PVR: variants seen among roughly 807,000 people sequenced by gnomAD.
The protein encoded by PVR is PVR cell adhesion molecule.
A neutral mutation model predicts 43.3 loss-of-function variants in PVR; 39 were observed. The observed-to-expected ratio is 0.90, with a 90% CI of 0.70 to 1.18. The LOEUF (loss-of-function observed/expected upper bound fraction) is 1.18. PVR is among the 50% of genes most tolerant of loss of function. PVR has a pLI of 0.00. For synonymous variants in PVR, 224 were observed against 233.2 expected, an observed-to-expected ratio of 0.96 and a Z score of 0.36; for missense variants, 480 against 549.7, an observed-to-expected ratio of 0.87 and a Z score of 1.27.
At chr19:44,658,016 C>T (rs1216258490) in intron 5 of PVR, 106 bp downstream of exon 5, 1 of 1,253,274 alleles carries the variant, frequency 8.0e-7, no homozygotes, top group African/African-American at 1.5e-5. Flanking sequence ...AGCCTTCTCA[C>T]AAAAGGACCA....
At chr19:44,645,480 G>GAGAC in intron 1 of PVR, among the ~76,000 whole-genome samples, 1 of 141,406 alleles carries the variant, frequency 7.1e-6, no homozygotes, top group Non-Finnish European at 1.5e-5. Context: ...GTGTGTATGA[G>GAGAC]AGAGACAAGG....
rs1226881953 is a variant in PVR at position 44,665,583 on chromosome 19, A to G, written c.*3772A>G. 2.1e-5 allele frequency: 3 copies of G among 143,418 alleles called. No homozygotes were observed. Among genetic ancestry groups the G allele is most frequent in the South Asian group, 2.3e-4 (1 of 4,352 alleles). The allele number at this position is 143,418 out of a possible 1,614,324, so 8.9% of individuals were successfully genotyped here. A position where few individuals can be genotyped will look rare whatever the true frequency, so the allele number is the denominator to read the frequency against. ...CGGGAAGTGGAGGCTGGAGTAAACC[A>G]TGATCGAGTTACTGCACTCCAGCCT... On this transcript the variant is annotated 3_prime_UTR_variant, in exon 8 of 8. Transcript: ENST00000425690.
chr19:44,653,117 C>T (rs1171597406), intron 3 of PVR, among the ~76,000 whole-genome samples: 1 of 152,038 alleles, frequency 6.6e-6, no homozygotes, highest in Non-Finnish European at 1.5e-5. Flanking sequence ...CGTCAGCTCC[C>T]GGGGACACAC....
At chr19:44,661,414 C>A in intron 7 of PVR, 91 bp downstream of exon 7, 1 of 1,390,266 alleles carries the variant, frequency 7.2e-7, no homozygotes, top group Non-Finnish European at 1.0e-6. Context: ...GCCTCAGGAG[C>A]CTGGGTCTTT....
chr19:44,660,384 C>T (rs1304971565), intron 6 of PVR, among the ~76,000 whole-genome samples: 1 of 152,186 alleles, frequency 6.6e-6, no homozygotes, highest in African/African-American at 2.4e-5. Context: ...CCTAATAATA[C>T]AGTAGAGCAC....
At chr19:44,657,685 GCA>G in intron 4 of PVR, 75 bp from the exon 5 acceptor site, 1 of 1,493,948 alleles carries the variant, frequency 6.7e-7, no homozygotes. Flanking sequence ...GGGTTTCTGG[GCA>G]CGTAGTGCGT....
intron 6 of PVR, among the ~76,000 whole-genome samples, chr19:44,660,735 G>A (rs1191037803): frequency 6.6e-6 from 1 of 151,836 alleles, no homozygotes; most frequent in Admixed American, 6.6e-5. Flanking sequence ...TGTTGCCCAA[G>A]CTGGTCTCAA....
intron 5 of PVR, among the ~76,000 whole-genome samples, chr19:44,658,345 C>T (rs927712963): frequency 2.6e-5 from 4 of 152,176 alleles, no homozygotes; most frequent in Non-Finnish European, 4.4e-5. Flanking sequence ...CTCTGCTTTT[C>T]GTTATACTGG....
intron 2 of PVR, 34 bp from the exon 3 acceptor site, chr19:44,649,775 T>C (rs1973226718): frequency 3.1e-6 from 5 of 1,607,642 alleles, no homozygotes; most frequent in Non-Finnish European, 4.3e-6. Flanking sequence ...GAGGGGTTCA[T>C]TGAATGACTT....
At position 44,661,769 on chromosome 19, in the gene PVR, G is replaced by A. The variant is rs201504280; in HGVS notation, c.1212G>A (p.Glu404=). 3.0e-5 allele frequency: 49 copies of A among 1,614,038 alleles called. No homozygotes were observed. Among genetic ancestry groups the A allele is most frequent in the Middle Eastern group, 1.6e-4 (1 of 6,062 alleles). ...GHVSYSAVSR[E]NSSSQDPQTE... is the part of the protein sequence containing the mutation. ...TCTCCTATTCAGCTGTGAGCAGAGA[G>A]AACAGCTCTTCCCAGGATCCACAGA... The change falls in exon 8 of 8, where the codon GAG becomes GAA. Residue 404 remains glutamate, a synonymous_variant. Transcript: ENST00000425690.
intron 6 of PVR, 52 bp from the exon 7 acceptor site, chr19:44,661,240 C>T: frequency 1.3e-6 from 2 of 1,556,230 alleles, no homozygotes; most frequent in Non-Finnish European, 1.8e-6. Context: ...GTCTTCTTCC[C>T]ATGCTTCCCA....
chr19:44,647,085 C>CCCCCCCACCCCCCCGT, intron 1 of PVR, 138 bp from the exon 2 acceptor site: 1 of 395,086 alleles, frequency 2.5e-6, no homozygotes, highest in South Asian at 5.7e-5. Flanking sequence ...GTTCCCCCTC[C>CCCCCCCACCCCCCCGT]CCCCACACCC....
chr19:44,647,119 C>A, intron 1 of PVR, 104 bp from the exon 2 acceptor site: 1 of 552,826 alleles, frequency 1.8e-6, no homozygotes, highest in Non-Finnish European at 2.9e-6. Context: ...GGATCCAGGG[C>A]CCCAGCGTGC....
At chr19:44,644,423 G>A (rs1043895212) in intron 1 of PVR, among the ~76,000 whole-genome samples, 1 of 152,168 alleles carries the variant, frequency 6.6e-6, no homozygotes, top group Non-Finnish European at 1.5e-5. Flanking sequence ...CACGGGTCGG[G>A]CACAAGACCC....
At position 44,650,274 on chromosome 19, in the gene PVR, C is replaced by T. The variant is rs114996537; in HGVS notation, c.724+169C>T. 7.8e-3 allele frequency among the ~76,000 whole-genome samples: 1,189 copies of T among 152,242 alleles called. 18 individuals carry two copies. The highest frequency in any genetic ancestry group is 0.027 in the African/African-American group (1,121 of 41,524). The stretch of plus-strand genomic sequence containing the variant: ...ATTGTCTGCACCAGCTCCCCTGGGC[C>T]GTAAACAACACTGTCCCTATTGTCT... On this transcript the variant is annotated intron_variant, in intron 3 of 7. Coordinates refer to ENST00000425690, the MANE Select transcript of PVR (RefSeq NM_006505.5).
At chr19:44,659,229 G>C (rs1219543027) in intron 6 of PVR, 1 of 232,470 alleles carries the variant, frequency 4.3e-6, no homozygotes, top group Non-Finnish European at 8.3e-6. Context: ...CCTTGTTCAG[G>C]AGTGACTCCT....
chr19:44,661,536 T>C (rs942508461), intron 7 of PVR, among the ~76,000 whole-genome samples: 7 of 152,052 alleles, frequency 4.6e-5, no homozygotes, highest in African/African-American at 1.7e-4. Context: ...GGCCAGGGAA[T>C]CTGCATTTTA....
Position 44,657,906 on chromosome 19 carries a change from C to A in PVR, c.987C>A (p.Val329=). 6.2e-7 allele frequency: 1 copy of A among 1,613,306 alleles called. No individual in the cohort carries two copies. Among genetic ancestry groups the A allele is most frequent in the South Asian group, 1.1e-5 (1 of 91,004 alleles). ...GARQAELTVQ[V]KEGPPSEHSG... ...GCCAGGCAGAACTGACCGTCCAGGTCAAAGGTGAGGAACTCCCTGGGTGGG... is the reference window on the plus strand; with the variant it reads ...GCCAGGCAGAACTGACCGTCCAGGTAAAAGGTGAGGAACTCCCTGGGTGGG... Residue 329 remains valine, a synonymous_variant, in exon 5 of 8, where the codon GTC becomes GTA. Coordinates refer to ENST00000425690, the MANE Select transcript of PVR (RefSeq NM_006505.5).
chr19:44,646,117 G>A (rs1190320385), intron 1 of PVR, among the ~76,000 whole-genome samples: 2 of 152,152 alleles, frequency 1.3e-5, no homozygotes, highest in Admixed American at 1.3e-4. Flanking sequence ...TATATGTGAA[G>A]CACCCAGAAT....
Sources: allele counts gnomAD v4.1 joint callset (sites outside exome capture counted in the v4.1 genomes callset), GRCh38; gene constraint gnomAD v4.1.1; transcripts MANE v1.5; gene names NCBI Gene and HGNC (gene_info 2026-07-23, HGNC 2026-07-21).